SLC38A9: variants seen among roughly 807,000 people sequenced by gnomAD.
The protein encoded by SLC38A9 is neutral amino acid transporter 9.
A neutral mutation model predicts 62.3 loss-of-function variants in SLC38A9; 48 were observed. That is an observed-to-expected ratio of 0.77 (90% CI 0.61 to 0.98). The LOEUF is 0.98. Among genes scored for constraint, SLC38A9 ranks in the 50% least tolerant of loss-of-function variants. The probability of loss-of-function intolerance (pLI) is 0.00; values close to 1 mark genes in which losing one functional copy is unlikely to be tolerated. For missense variants in SLC38A9, 541 were observed against 679.8 expected (o/e 0.80, Z 2.27); for synonymous variants, 204 against 227.7 (o/e 0.90, Z 0.94).
chr5:55,635,390 G>A (rs915664754), intron 13 of SLC38A9, 154 bp downstream of exon 13: 3 of 681,698 alleles, frequency 4.4e-6, no homozygotes, highest in African/African-American at 1.8e-5. Flanking sequence ...AAAGAAAAGG[G>A]AAGGTGCCTA....
intron 7 of SLC38A9, among the ~76,000 whole-genome samples, chr5:55,667,292 T>A (rs1750640009): frequency 6.6e-6 from 1 of 152,220 alleles, no homozygotes; most frequent in Non-Finnish European, 1.5e-5. Flanking sequence ...ATTTCTATGT[T>A]TTCTTGACTT....
chr5:55,708,900 G>A (rs1036351246), intron 2 of SLC38A9, among the ~76,000 whole-genome samples: 1 of 152,136 alleles, frequency 6.6e-6, no homozygotes, highest in African/African-American at 2.4e-5. Flanking sequence ...GCCAAATTTG[G>A]TCATAGTTTA....
intron 13 of SLC38A9, chr5:55,634,219 A>G (rs1051668043): frequency 2.1e-5 from 4 of 189,550 alleles, no homozygotes; most frequent in Middle Eastern, 2.0e-3. Context: ...AGATCGAGAA[A>G]GCATTGCTTT....
At chr5:55,642,897 C>G (rs1745664769) in intron 12 of SLC38A9, among the ~76,000 whole-genome samples, 1 of 152,236 alleles carries the variant, frequency 6.6e-6, no homozygotes, top group Non-Finnish European at 1.5e-5. Flanking sequence ...ACTTCCTCTA[C>G]TTAGAAAGGT....
intron 14 of SLC38A9, among the ~76,000 whole-genome samples, chr5:55,632,884 G>C (rs1438366608): frequency 6.6e-6 from 1 of 152,168 alleles, no homozygotes; most frequent in Non-Finnish European, 1.5e-5. Flanking sequence ...ATTAGCATTA[G>C]ACATGGCTGT....
chr5:55,703,124 A>T (rs1193963635), intron 2 of SLC38A9, among the ~76,000 whole-genome samples: 3 of 152,156 alleles, frequency 2.0e-5, no homozygotes, highest in Non-Finnish European at 4.4e-5. Context: ...CAAGTTCTCA[A>T]CAAGTCCCTA....
At chr5:55,687,065 G>GTTTTTTTTTTTTTTTT (rs56912932) in intron 3 of SLC38A9, among the ~76,000 whole-genome samples, 7 of 125,698 alleles carry the variant, frequency 5.6e-5, no homozygotes, top group Admixed American at 7.9e-5. Flanking sequence ...CTCCAGCTTT[G>GTTTTTTTTTTTTTTTT]TTTTTTTTTT....
At chr5:55,675,820 C>T (rs945087371) in intron 3 of SLC38A9, among the ~76,000 whole-genome samples, 2 of 152,122 alleles carry the variant, frequency 1.3e-5, no homozygotes, top group Non-Finnish European at 2.9e-5. Flanking sequence ...AACACCTTTT[C>T]TAGGTTCCAC....
intron 2 of SLC38A9, among the ~76,000 whole-genome samples, chr5:55,699,168 T>C (rs915288440): frequency 1.3e-5 from 2 of 152,076 alleles, no homozygotes; most frequent in African/African-American, 4.8e-5. Flanking sequence ...GGTAGGAGAA[T>C]AGCTTGAACC....
chr5:55,636,549 C>A (rs574365783), intron 12 of SLC38A9, among the ~76,000 whole-genome samples: 1 of 152,106 alleles, frequency 6.6e-6, no homozygotes, highest in Admixed American at 6.5e-5. Context: ...GCTAAGGAAA[C>A]AAATTAGAAA....
rs574917597 is a variant in SLC38A9 at position 55,708,820 on chromosome 5, A to T, written c.-35+2632T>A. 2.0e-5 allele frequency among the ~76,000 whole-genome samples: 3 copies of T among 152,352 alleles called. No individual in the cohort carries two copies. In the South Asian group the frequency reaches 6.2e-4, roughly 32 times the overall value. Reference sequence around the variant, plus strand: ...CAGCTACTCAATTCTACCTGTTAGCATGAAAGGCAATTGAGTGTGCATGGC... The same window carrying T: ...CAGCTACTCAATTCTACCTGTTAGCTTGAAAGGCAATTGAGTGTGCATGGC... On this transcript the variant is annotated intron_variant, in intron 2 of 15. Coordinates refer to ENST00000396865, the MANE Select transcript of SLC38A9 (RefSeq NM_173514.4).
chr5:55,628,124 G>C, intron 14 of SLC38A9, 144 bp from the exon 15 acceptor site: 1 of 585,374 alleles, frequency 1.7e-6, no homozygotes, highest in Non-Finnish European at 3.1e-6. Flanking sequence ...AAAAATAGAA[G>C]GTAACAGTAG....
At chr5:55,667,873 G>T (rs896127356) in intron 7 of SLC38A9, among the ~76,000 whole-genome samples, 3 of 152,150 alleles carry the variant, frequency 2.0e-5, no homozygotes, top group African/African-American at 7.2e-5. Context: ...AAATGGTGTG[G>T]AGTAGTTTAA....
chr5:55,648,851 C>G (rs1225443819), intron 11 of SLC38A9, among the ~76,000 whole-genome samples: 1 of 152,068 alleles, frequency 6.6e-6, no homozygotes, highest in Admixed American at 6.6e-5. Flanking sequence ...TATGTTCCCC[C>G]CAAATATGTA....
chr5:55,649,199 A>G lies in SLC38A9; in HGVS notation c.1060+8T>C. The G allele has an allele frequency of 6.6e-7, 1 of 1,525,128 alleles. No homozygotes were observed. 94.5% of individuals were successfully genotyped at this position (1,525,128 alleles called of 1,614,324 possible). On this transcript the variant is annotated splice_region_variant and intron_variant, in intron 11 of 15. Coordinates refer to ENST00000396865, the MANE Select transcript of SLC38A9 (RefSeq NM_173514.4). ...TATTATAATTTATTATTTTGCCAAA[A>G]AGCTCACCTGGTACAAAAAATTCTG...
intron 9 of SLC38A9, among the ~76,000 whole-genome samples, chr5:55,654,692 G>T (rs1356385724): frequency 6.6e-6 from 1 of 151,998 alleles, no homozygotes; most frequent in Non-Finnish European, 1.5e-5. Context: ...TAATATTTAG[G>T]TGTCCTTGGA....
intron 3 of SLC38A9, among the ~76,000 whole-genome samples, chr5:55,689,224 T>C (rs1754389462): frequency 6.6e-6 from 1 of 152,194 alleles, no homozygotes. Flanking sequence ...CAATTCCCAA[T>C]ATGATTTTAC....
At chr5:55,670,885 A>C (rs1751198078) in intron 4 of SLC38A9, among the ~76,000 whole-genome samples, 2 of 152,148 alleles carry the variant, frequency 1.3e-5, no homozygotes, top group South Asian at 4.1e-4. Flanking sequence ...AAAAAGCCGA[A>C]AAAAAAATTG....
intron 2 of SLC38A9, among the ~76,000 whole-genome samples, chr5:55,704,943 T>C (rs957048161): frequency 6.6e-6 from 1 of 152,184 alleles, no homozygotes; most frequent in Non-Finnish European, 1.5e-5. Flanking sequence ...TAAAATGAGA[T>C]AATACATATA....
Sources: allele counts gnomAD v4.1 joint callset (sites outside exome capture counted in the v4.1 genomes callset), GRCh38; gene constraint gnomAD v4.1.1; transcripts MANE v1.5; gene names NCBI Gene and HGNC (gene_info 2026-07-23, HGNC 2026-07-21).